Variants in CD163L1 observed in about 807,000 individuals in gnomAD.
The protein encoded by CD163L1 is CD163 molecule like 1.
Under a neutral mutation model 165.4 loss-of-function variants are expected in CD163L1, and 124 were observed. That is an observed-to-expected ratio of 0.75 (90% CI 0.65 to 0.87). The LOEUF (loss-of-function observed/expected upper bound fraction) is 0.87, where lower values mean the gene tolerates loss of function less well. Ranked by LOEUF, CD163L1 falls within the 40% of genes least tolerant of loss-of-function variation. The pLI is 0.00. For synonymous variants in CD163L1, 585 were observed against 662.2 expected, an observed-to-expected ratio of 0.88 and a Z score of 1.79; for missense variants, 1,525 against 1,799.9, an observed-to-expected ratio of 0.85 and a Z score of 2.76.
chr12:7,422,587 G>T (rs1399036155), intron 4 of CD163L1, among the ~76,000 whole-genome samples: 1 of 150,898 alleles, frequency 6.6e-6, no homozygotes. Flanking sequence ...GTTTAGAGAA[G>T]AACATAATAT....
chr12:7,380,657 A>G (rs1947386409), intron 8 of CD163L1, among the ~76,000 whole-genome samples: 1 of 152,100 alleles, frequency 6.6e-6, no homozygotes, highest in African/African-American at 2.4e-5. Context: ...TGAGGAAGAA[A>G]AGACTACAAA....
intron 8 of CD163L1, among the ~76,000 whole-genome samples, chr12:7,393,925 A>G (rs1947715703): frequency 6.6e-6 from 1 of 152,196 alleles, no homozygotes. Context: ...AAAAGAGGAC[A>G]CAAACAAATG....
downstream of CD163L1, among the ~76,000 whole-genome samples, chr12:7,345,815 G>A (rs1342689228): frequency 6.6e-6 from 1 of 152,282 alleles, no homozygotes; most frequent in Non-Finnish European, 1.5e-5. Context: ...TTCTGATGAC[G>A]CCTCAGGAAG....
At chr12:7,436,191 T>C (rs763088319) in intron 2 of CD163L1, among the ~76,000 whole-genome samples, 1 of 152,308 alleles carries the variant, frequency 6.6e-6, no homozygotes, top group East Asian at 1.9e-4. Context: ...GAGGGATGGA[T>C]TTATGTGTGC....
intron 9 of CD163L1, among the ~76,000 whole-genome samples, chr12:7,376,979 T>C (rs1006395147): frequency 6.6e-6 from 1 of 152,198 alleles, no homozygotes; most frequent in African/African-American, 2.4e-5. Context: ...CATGACTCCA[T>C]ATTTCACTCA....
chr12:7,324,746 C>T, the CD163L1 span: 1 of 819,958 alleles, frequency 1.2e-6, no homozygotes, highest in East Asian at 2.7e-5. Context: ...AGGCAACCAA[C>T]TTTACAATAA....
chr12:7,319,966 G>A, the CD163L1 span, among the ~76,000 whole-genome samples: 1 of 152,200 alleles, frequency 6.6e-6, no homozygotes, highest in Non-Finnish European at 1.5e-5. Flanking sequence ...ATTAGACTCT[G>A]CGGAGCAGAT....
At chr12:7,321,526 T>TCCTAGCAAAG in the CD163L1 span, among the ~76,000 whole-genome samples, 11 of 152,344 alleles carry the variant, frequency 7.2e-5, no homozygotes, top group African/African-American at 2.6e-4. Flanking sequence ...CTAGTCAGTG[T>TCCTAGCAAAG]CAACTCCTTT....
chr12:7,439,183 A>G, intron 2 of CD163L1: 1 of 1,576,092 alleles, frequency 6.3e-7, no homozygotes, highest in Non-Finnish European at 8.6e-7. Flanking sequence ...GAAAGGGGGA[A>G]TCATTAAGTA....
chr12:7,331,547 TGACACCTCACACGTCCGGGTA>T, the CD163L1 span, among the ~76,000 whole-genome samples: 1 of 152,192 alleles, frequency 6.6e-6, no homozygotes, highest in African/African-American at 2.4e-5. Flanking sequence ...AGGGGCGGAC[TGACACCTCACACGTCCGGGTA>T]CTCCCCTGAG....
chr12:7,441,198 G>A lies in CD163L1; in HGVS notation c.80C>T (p.Thr27Ile). The change falls in exon 2 of 20, where the codon ACT becomes ATT. Residue 27 changes from threonine to isoleucine, a missense_variant. Physicochemically the swap from Thr to Ile is moderately conservative, Grantham distance 89. Coordinates refer to ENST00000313599, the MANE Select transcript of CD163L1 (RefSeq NM_174941.6). The part of the protein sequence containing the change: ...CHQNLFSAVV[T>I]CILLLNSCFL... ...GCAGGAATTCAGGAGCAGGATGCAA[G>A]TTACCACAGCAGAGAAAAGGTTCTG... 6.2e-7 allele frequency: 1 copy of A among 1,614,102 alleles called. No homozygotes were observed. The highest frequency in any genetic ancestry group is 8.5e-7 in the Non-Finnish European group (1 of 1,179,994).
At chr12:7,394,236 C>T (rs1473756420) in intron 8 of CD163L1, among the ~76,000 whole-genome samples, 1 of 151,968 alleles carries the variant, frequency 6.6e-6, no homozygotes, top group Non-Finnish European at 1.5e-5. Flanking sequence ...GGTACCGGTA[C>T]CAAAACAGAT....
intron 4 of CD163L1, among the ~76,000 whole-genome samples, chr12:7,418,219 A>G (rs973798275): frequency 6.6e-6 from 1 of 152,060 alleles, no homozygotes; most frequent in Non-Finnish European, 1.5e-5. Flanking sequence ...TTGGAAATCA[A>G]CCCCAAAAGA....
chr12:7,323,305 T>C, the CD163L1 span: 193 of 1,610,712 alleles, frequency 1.2e-4, no homozygotes, highest in Non-Finnish European at 3.8e-5. Flanking sequence ...TGCTGCCCTA[T>C]GATGTCCAGG....
In CD163L1 at chr12:7,372,809, T is replaced by C. The variant is rs185030459; in HGVS notation, c.3730+511A>G. On this transcript the variant is annotated intron_variant, in intron 14 of 19. Coordinates refer to ENST00000313599, the MANE Select transcript of CD163L1 (RefSeq NM_174941.6). This position sits in a 1 kb window ranked among gnomAD's most constrained non-coding sequence, Gnocchi z 4.2. ...AACGTGGAATGCATTTTATTATTTA[T>C]AATTGTACAATTTCTAAAATCTCTA... 6.3e-3 allele frequency among the ~76,000 whole-genome samples: 952 copies of C among 152,144 alleles called. 8 individuals are homozygous for C. The highest frequency in any genetic ancestry group is 0.021 in the African/African-American group (876 of 41,536).
At chr12:7,320,714 C>G in the CD163L1 span, 1 of 1,607,604 alleles carries the variant, frequency 6.2e-7, no homozygotes, top group Non-Finnish European at 8.5e-7. Flanking sequence ...GTGTCTTTCT[C>G]CATCATCCAG....
rs118107030 is a variant in CD163L1, at chr12:7,442,605, G to A, written c.32-1359C>T. Among the ~76,000 whole-genome samples, 337 of 152,298 alleles carry A rather than the reference G, an allele frequency of 2.2e-3. 8 individuals carry two copies. The East Asian group carries it at 0.046, about 21-fold the overall frequency. On this transcript the variant is annotated intron_variant, in intron 1 of 19. Coordinates refer to ENST00000313599, the MANE Select transcript of CD163L1 (RefSeq NM_174941.6). ...TATAGAACGAAACAGGGAGAAATAAGTGTGGAATGGGCAATTAGTGTCCCA... is the reference window on the plus strand; with the variant it reads ...TATAGAACGAAACAGGGAGAAATAAATGTGGAATGGGCAATTAGTGTCCCA...
At chr12:7,326,609 C>G in the CD163L1 span, among the ~76,000 whole-genome samples, 1 of 152,188 alleles carries the variant, frequency 6.6e-6, no homozygotes, top group Non-Finnish European at 1.5e-5. Flanking sequence ...TCCATTTGTT[C>G]CCCTGCTACA....
intron 8 of CD163L1, 33 bp downstream of exon 8, chr12:7,396,062 T>G: frequency 6.4e-7 from 1 of 1,555,222 alleles, no homozygotes; most frequent in Non-Finnish European, 8.7e-7. Flanking sequence ...CCAGGCAGTT[T>G]CTTTTAAGGA....
Sources: allele counts gnomAD v4.1 joint callset (sites outside exome capture counted in the v4.1 genomes callset), GRCh38; gene constraint gnomAD v4.1.1; non-coding constraint Gnocchi (gnomAD v3.1); transcripts MANE v1.5; gene names NCBI Gene and HGNC (gene_info 2026-07-23, HGNC 2026-07-21).